CSMD3: variants seen among roughly 807,000 people sequenced by gnomAD.
CSMD3 encodes the protein CUB and sushi domain-containing protein 3.
A neutral mutation model predicts 435.2 loss-of-function variants in CSMD3; 177 were observed. The observed-to-expected ratio is 0.41, with a 90% CI of 0.36 to 0.46. CSMD3 has a LOEUF of 0.46. CSMD3 is among the 20% of genes least tolerant of loss of function. The pLI, the probability that CSMD3 is intolerant of heterozygous loss-of-function variation, is 0.34. For synonymous variants in CSMD3, 1,656 were observed against 1,520.5 expected (o/e 1.09, Z -2.07); for missense variants, 4,265 against 4,504.6 (o/e 0.95, Z 1.52).
rs1413582856 is a variant in CSMD3 at position 113,257,450 on chromosome 8, GC to G, written c.514+21141del. 2.0e-5 allele frequency among the ~76,000 whole-genome samples: 3 copies of G among 152,002 alleles called. No individual in the cohort carries two copies. In the East Asian group the frequency reaches 5.8e-4, roughly 29 times the overall value. On this transcript the variant is annotated intron_variant, in intron 3 of 70. Transcript: ENST00000297405. Reference sequence around the variant, plus strand: ...AAATAAAAATGACAAAACTGCCGGAGCTTCTGCATACCTGAACACATGAAGT... The same window carrying G: ...AAATAAAAATGACAAAACTGCCGGAGTTCTGCATACCTGAACACATGAAGT...
chr8:112,633,821 A>G (rs1309928560), intron 22 of CSMD3, among the ~76,000 whole-genome samples: 1 of 152,010 alleles, frequency 6.6e-6, no homozygotes, highest in Admixed American at 6.6e-5. Flanking sequence ...TATATAACCT[A>G]TATACACACA....
chr8:112,928,721 T>C (rs554363208), intron 9 of CSMD3, among the ~76,000 whole-genome samples: 178 of 150,462 alleles, frequency 1.2e-3, no homozygotes, highest in Middle Eastern at 3.4e-3. Context: ...AAGTCTTTGC[T>C]ATTGTGAATA....
chr8:113,384,138 A>C (rs1483366847), intron 1 of CSMD3, among the ~76,000 whole-genome samples: 1 of 152,090 alleles, frequency 6.6e-6, no homozygotes, highest in Admixed American at 6.6e-5. Flanking sequence ...TCCCCTCCTT[A>C]AAGCTGAAAT....
chr8:112,954,428 G>T lies in CSMD3; in HGVS notation c.1420+256C>A, dbSNP rs533827399. 9.9e-5 allele frequency among the ~76,000 whole-genome samples: 15 copies of T among 151,506 alleles called. No homozygotes were observed. The South Asian group carries it at 3.1e-3, about 31-fold the overall frequency. On this transcript the variant is annotated intron_variant, in intron 8 of 70. Transcript: ENST00000297405. ...GTGTCCTCAAGACTTAAGATCAAAAGAATATTTTTACATCTTGAAATATAA... is the reference window on the plus strand; with the variant it reads ...GTGTCCTCAAGACTTAAGATCAAAATAATATTTTTACATCTTGAAATATAA...
At position 112,242,693 on chromosome 8, in the gene CSMD3, A is replaced by G. The variant is rs1008745744; in HGVS notation, c.10403-908T>C. Among the ~76,000 whole-genome samples, 4 of 152,190 alleles carry G rather than the reference A, an allele frequency of 2.6e-5. No homozygotes were observed. In the East Asian group the frequency reaches 7.7e-4, roughly 29 times the overall value. On this transcript the variant is annotated intron_variant, in intron 65 of 70. Coordinates refer to ENST00000297405, the MANE Select transcript of CSMD3 (RefSeq NM_198123.2). ...ATAGGGAATACCAAAGGGAAACTAT[A>G]TAGATAAAAGAAATGTATGAGTTTA...
chr8:113,414,572 G>A (rs6992832), intron 1 of CSMD3, among the ~76,000 whole-genome samples: 9,658 of 144,114 alleles, frequency 0.067, 659 homozygotes, highest in East Asian at 0.17. Context: ...TAATAAAATT[G>A]AAATACTTAT....
At chr8:112,919,974 C>T (rs1358410045) in intron 10 of CSMD3, among the ~76,000 whole-genome samples, 1 of 151,686 alleles carries the variant, frequency 6.6e-6, no homozygotes, top group Non-Finnish European at 1.5e-5. Flanking sequence ...GGCAGCTATA[C>T]TATTTAAAGA....
intron 1 of CSMD3, among the ~76,000 whole-genome samples, chr8:113,410,063 AGAT>A (rs2094551090): frequency 1.3e-5 from 2 of 152,294 alleles, no homozygotes; most frequent in South Asian, 4.1e-4. Context: ...CTGTCATCAC[AGAT>A]GATATTTTCT....
intron 45 of CSMD3, among the ~76,000 whole-genome samples, chr8:112,327,203 C>G (rs1823596059): frequency 6.6e-6 from 1 of 152,022 alleles, no homozygotes; most frequent in Admixed American, 6.6e-5. Flanking sequence ...TTAAGAAATA[C>G]TAATTAATAA....
intron 9 of CSMD3, among the ~76,000 whole-genome samples, chr8:112,929,914 A>G (rs890591419): frequency 3.9e-5 from 6 of 152,140 alleles, no homozygotes; most frequent in Admixed American, 6.6e-5. Context: ...AATATAATAA[A>G]GCTTTCAAAT....
chr8:112,570,956 A>C (rs1012833453), intron 24 of CSMD3, among the ~76,000 whole-genome samples: 4 of 152,172 alleles, frequency 2.6e-5, no homozygotes, highest in African/African-American at 9.6e-5. Context: ...TGTAGTTTCC[A>C]GTCTCCATAA....
At chr8:112,976,613 G>A (rs1269206225) in intron 6 of CSMD3, among the ~76,000 whole-genome samples, 1 of 151,696 alleles carries the variant, frequency 6.6e-6, no homozygotes, top group African/African-American at 2.4e-5. Context: ...ACAAGCAAGT[G>A]AAGAAAAGAG....
At chr8:112,314,178 C>A in intron 48 of CSMD3, 126 bp from the exon 49 acceptor site, 1 of 764,050 alleles carries the variant, frequency 1.3e-6, no homozygotes. Context: ...ACCTCATTAA[C>A]AATAATTGAA....
chr8:113,164,828 TA>T (rs1220375538), intron 4 of CSMD3, among the ~76,000 whole-genome samples: 3 of 152,144 alleles, frequency 2.0e-5, no homozygotes, highest in Admixed American at 6.6e-5. Flanking sequence ...GTGATTGCTG[TA>T]AAAATACCTA....
chr8:112,621,930 T>G (rs935281747), intron 22 of CSMD3, among the ~76,000 whole-genome samples: 1 of 152,180 alleles, frequency 6.6e-6, no homozygotes, highest in Non-Finnish European at 1.5e-5. Context: ...GTCTGGAGCC[T>G]AACAACCATG....
At chr8:113,267,744 T>C (rs886899898) in intron 3 of CSMD3, among the ~76,000 whole-genome samples, 1 of 151,718 alleles carries the variant, frequency 6.6e-6, no homozygotes, top group African/African-American at 2.4e-5. Context: ...CCACCCTAAA[T>C]ATCTGACTCA....
At chr8:113,346,688 T>A (rs886951378) in intron 1 of CSMD3, among the ~76,000 whole-genome samples, 2 of 151,086 alleles carry the variant, frequency 1.3e-5, no homozygotes, top group African/African-American at 4.8e-5. Context: ...CAGTCAAGTA[T>A]TAAACTAAGA....
intron 29 of CSMD3, 35 bp from the exon 30 acceptor site, chr8:112,504,012 GA>G: frequency 7.5e-7 from 1 of 1,329,022 alleles, no homozygotes; most frequent in South Asian, 1.2e-5. Context: ...AAGAAAGAAA[GA>G]GAAGTAGGAT....
intron 7 of CSMD3, among the ~76,000 whole-genome samples, chr8:112,961,462 C>T (rs1245122426): frequency 6.6e-6 from 1 of 151,784 alleles, no homozygotes; most frequent in East Asian, 1.9e-4. Context: ...AGACCATTTT[C>T]TATTTTACAA....
Sources: gnomAD v4.1 joint callset for allele counts (sites outside exome capture counted in the v4.1 genomes callset) on GRCh38, gnomAD v4.1.1 for gene constraint, MANE v1.5 for transcripts, NCBI Gene and HGNC (gene_info 2026-07-23, HGNC 2026-07-21) for gene names.